MRPL48: variants seen among roughly 807,000 people sequenced by gnomAD.
The protein encoded by MRPL48 is mitochondrial ribosomal protein L48, also known as large ribosomal subunit protein mL48.
MRPL48 carries 16 observed loss-of-function variants against 32.9 expected under a neutral mutation model. The ratio of observed to expected loss-of-function variants is 0.49; its 90% CI spans 0.33 to 0.74. The LOEUF is 0.74. Among genes scored for constraint, MRPL48 ranks in the 30% least tolerant of loss-of-function variants. MRPL48 has a pLI of 0.02. For missense variants in MRPL48, 206 were observed against 245.3 expected (o/e 0.84, Z 1.07); for synonymous variants, 94 against 89.2 (o/e 1.05, Z -0.31).
intron 4 of MRPL48, among the ~76,000 whole-genome samples, chr11:73,834,399 C>G (rs532086008): frequency 6.6e-6 from 1 of 152,300 alleles, no homozygotes; most frequent in African/African-American, 2.4e-5. Context: ...TTTGAGATGG[C>G]TGCTCCCTCT....
intron 5 of MRPL48, among the ~76,000 whole-genome samples, chr11:73,852,548 C>T (rs1948417914): frequency 6.6e-6 from 1 of 152,110 alleles, no homozygotes; most frequent in Non-Finnish European, 1.5e-5. Flanking sequence ...ATCAAAACTA[C>T]AGTGAGATAT....
At chr11:73,803,429 C>T (rs1947392463) in intron 1 of MRPL48, among the ~76,000 whole-genome samples, 1 of 150,806 alleles carries the variant, frequency 6.6e-6, no homozygotes, top group Non-Finnish European at 1.5e-5. Context: ...CCACACCTGG[C>T]CTAGAGTGAT....
Position 73,864,451 on chromosome 11 carries a change from G to A in MRPL48, c.*81G>A. The A allele has an allele frequency of 7.2e-7, 1 of 1,393,388 alleles. No homozygotes were observed. The highest frequency in any genetic ancestry group is 1.0e-6 in the Non-Finnish European group (1 of 994,174). 86.3% of individuals were successfully genotyped at this position (1,393,388 alleles called of 1,614,324 possible). On this transcript the variant is annotated 3_prime_UTR_variant, in exon 8 of 8. Coordinates refer to ENST00000310614, the MANE Select transcript of MRPL48 (RefSeq NM_016055.6). Reference sequence around the variant, plus strand: ...CTTACTGGGTAGTTAGAGTTCATCAGGAGACCCAACCCTTAGATTTCATAA... The same window carrying A: ...CTTACTGGGTAGTTAGAGTTCATCAAGAGACCCAACCCTTAGATTTCATAA...
At chr11:73,800,813 T>C (rs998556178) in intron 1 of MRPL48, among the ~76,000 whole-genome samples, 7 of 136,212 alleles carry the variant, frequency 5.1e-5, no homozygotes, top group Admixed American at 4.4e-4. Flanking sequence ...TCTTTTTCTT[T>C]TTTTTTTTTT....
intron 1 of MRPL48, among the ~76,000 whole-genome samples, chr11:73,790,374 CTTTTTT>C (rs759628609): frequency 3.4e-5 from 2 of 58,020 alleles, no homozygotes; most frequent in Non-Finnish European, 6.1e-5. Context: ...CGCACCCGGC[CTTTTTT>C]TTTTTTTTTT....
chr11:73,791,852 C>T (rs1258713058), intron 1 of MRPL48, among the ~76,000 whole-genome samples: 1 of 152,202 alleles, frequency 6.6e-6, no homozygotes, highest in Admixed American at 6.6e-5. Flanking sequence ...AGAGCTGGGA[C>T]TAGAACTTCT....
intron 4 of MRPL48, 74 bp downstream of exon 4, chr11:73,825,870 T>C (rs943846202): frequency 1.6e-6 from 2 of 1,233,874 alleles, no homozygotes; most frequent in Non-Finnish European, 2.3e-6. Context: ...CAGATATGTA[T>C]AGTTTTGATA....
intron 3 of MRPL48, among the ~76,000 whole-genome samples, chr11:73,813,415 T>C (rs59040349): frequency 1.3e-5 from 2 of 151,268 alleles, no homozygotes; most frequent in East Asian, 4.0e-4. Flanking sequence ...CTCAGGTGAT[T>C]CACCCACCTC....
At chr11:73,856,767 C>T (rs988607743) in intron 5 of MRPL48, among the ~76,000 whole-genome samples, 1 of 152,152 alleles carries the variant, frequency 6.6e-6, no homozygotes, top group Non-Finnish European at 1.5e-5. Flanking sequence ...CCCTAAATAG[C>T]ATTATTTTGT....
chr11:73,818,972 T>C (rs1259574383), intron 3 of MRPL48, among the ~76,000 whole-genome samples: 1 of 152,228 alleles, frequency 6.6e-6, no homozygotes, highest in Non-Finnish European at 1.5e-5. Context: ...CTTTCTTTAG[T>C]AAGGAGTTGC....
intron 1 of MRPL48, among the ~76,000 whole-genome samples, chr11:73,788,862 C>T (rs1337507037): frequency 6.6e-6 from 1 of 152,184 alleles, no homozygotes; most frequent in South Asian, 2.1e-4. Context: ...TGGGCTTTCT[C>T]CCGTTCCCTT....
intron 3 of MRPL48, among the ~76,000 whole-genome samples, chr11:73,813,636 G>T (rs1053918773): frequency 6.6e-6 from 1 of 152,032 alleles, no homozygotes; most frequent in Non-Finnish European, 1.5e-5. Context: ...TTATGTTTGT[G>T]TTTTCTCCAT....
intron 5 of MRPL48, among the ~76,000 whole-genome samples, chr11:73,849,430 C>T (rs913948282): frequency 6.6e-6 from 1 of 152,240 alleles, no homozygotes; most frequent in Non-Finnish European, 1.5e-5. Flanking sequence ...AGCCACTGCG[C>T]CCCGTGGCAA....
intron 4 of MRPL48, chr11:73,842,087 A>G (rs1227709949): frequency 6.6e-6 from 1 of 152,088 alleles, no homozygotes; most frequent in Non-Finnish European, 1.5e-5. Flanking sequence ...AGTTGCTGGG[A>G]CTACAGGTGT....
At position 73,859,930 on chromosome 11, in the gene MRPL48, T is replaced by C. The variant is rs199857311; in HGVS notation, c.395T>C (p.Ile132Thr). 37 of 1,613,800 alleles carry C rather than the reference T, an allele frequency of 2.3e-5. No homozygotes were observed. The highest frequency in any genetic ancestry group is 1.2e-4 in the African/African-American group (9 of 75,020). Reference sequence around the variant, plus strand: ...AGTTATGCAATGCCAACCAAAACCATAGAAGTGTTGCAGTTGCAGGACCAA... The same window carrying C: ...AGTTATGCAATGCCAACCAAAACCACAGAAGTGTTGCAGTTGCAGGACCAA... ...EESYAMPTKT[I>T]EVLQLQDQGS... is the part of the protein sequence containing the mutation. The change falls in exon 6 of 8, where the codon ATA becomes ACA. Residue 132 changes from isoleucine (I) to threonine (T), a missense_variant. Transcript: ENST00000310614.
chr11:73,818,390 A>G (rs1212574545), intron 3 of MRPL48, among the ~76,000 whole-genome samples: 1 of 152,252 alleles, frequency 6.6e-6, no homozygotes, highest in Non-Finnish European at 1.5e-5. Context: ...GCATGAATAA[A>G]AAGGTAGAAG....
chr11:73,845,383 CTA>C (rs1364072053), intron 5 of MRPL48, among the ~76,000 whole-genome samples: 1 of 152,178 alleles, frequency 6.6e-6, no homozygotes, highest in East Asian at 1.9e-4. Flanking sequence ...ACCAGCTTAA[CTA>C]TTTTTAACTG....
At chr11:73,845,737 T>C (rs1442691722) in intron 5 of MRPL48, among the ~76,000 whole-genome samples, 1 of 151,858 alleles carries the variant, frequency 6.6e-6, no homozygotes, top group East Asian at 1.9e-4. Context: ...GCCACTGCAC[T>C]TCAGCCTGAG....
intron 5 of MRPL48, among the ~76,000 whole-genome samples, chr11:73,852,573 T>C (rs1948418245): frequency 6.6e-6 from 1 of 152,144 alleles, no homozygotes; most frequent in African/African-American, 2.4e-5. Flanking sequence ...TCATCATGGC[T>C]TTTATCCAAA....
Sources: allele counts gnomAD v4.1 joint callset (sites outside exome capture counted in the v4.1 genomes callset), GRCh38; gene constraint gnomAD v4.1.1; transcripts MANE v1.5; gene names NCBI Gene and HGNC (gene_info 2026-07-23, HGNC 2026-07-21).